RPH3AL: variants seen among roughly 807,000 people sequenced by gnomAD.
The protein encoded by RPH3AL is rabphilin 3A like (without C2 domains).
A neutral mutation model predicts 43.1 loss-of-function variants in RPH3AL; 38 were observed. The ratio of observed to expected loss-of-function variants is 0.88; its 90% confidence interval spans 0.68 to 1.15. The LOEUF is 1.15. Among genes scored for constraint, RPH3AL ranks in the 50% most tolerant of loss-of-function variants. RPH3AL has a pLI of 0.00. For missense variants in RPH3AL, 462 were observed against 423.2 expected (o/e 1.09, Z -0.81); for synonymous variants, 189 against 176.3 (o/e 1.07, Z -0.57).
intron 1 of RPH3AL, among the ~76,000 whole-genome samples, chr17:340,678 G>A (rs111210198): frequency 0.16 from 108 of 694 alleles, no homozygotes; most frequent in Admixed American, 0.19. Context: ...GCCTCCCCAC[G>A]TCCACACTCA....
rs140275598 is a variant in RPH3AL, at chr17:335,610, A to G, written c.-212-1676T>C. 3.3e-5 allele frequency among the ~76,000 whole-genome samples: 5 copies of G among 152,302 alleles called. No homozygotes were observed. The East Asian group carries it at 9.6e-4, about 29-fold the overall frequency. Reference sequence around the variant, plus strand: ...GCAATATATAACGGATAAAAATGGCATCTGGCTGATAAAATCCCAACCCTG... The same window carrying G: ...GCAATATATAACGGATAAAAATGGCGTCTGGCTGATAAAATCCCAACCCTG... On this transcript the variant is annotated intron_variant, in intron 1 of 9. Transcript: ENST00000331302.
chr17:316,564 C>T (rs1295672317), intron 5 of RPH3AL, among the ~76,000 whole-genome samples: 1 of 142,892 alleles, frequency 7.0e-6, no homozygotes. Context: ...CATGTAGTCC[C>T]TGTGCCCCAC....
Position 215,612 on chromosome 17 carries a change from G to A in RPH3AL, c.876+42C>T, listed in dbSNP as rs190069133. 1.5e-4 allele frequency: 184 copies of A among 1,255,480 alleles called. No individual in the cohort carries two copies. The highest frequency in any genetic ancestry group is 3.1e-4 in the Middle Eastern group (1 of 3,254). 77.8% of individuals were successfully genotyped at this position (1,255,480 alleles called of 1,614,324 possible). Reference sequence around the variant, plus strand: ...GGAGTGAGTGAGAGAGGACACGGCCGCGGGGGCAGGAGAGGGGAGAAGGCA... The same window carrying A: ...GGAGTGAGTGAGAGAGGACACGGCCACGGGGGCAGGAGAGGGGAGAAGGCA... On this transcript the variant is annotated intron_variant, in intron 9 of 9. Transcript: ENST00000331302. This position sits in a 1 kb window ranked among gnomAD's most constrained non-coding sequence, Gnocchi z 4.1.
intron 6 of RPH3AL, among the ~76,000 whole-genome samples, chr17:275,404 G>C (rs1055355198): frequency 1.3e-5 from 2 of 152,006 alleles, no homozygotes; most frequent in Non-Finnish European, 2.9e-5. Context: ...GAATAAAGAA[G>C]AAATGCACAG....
At chr17:252,036 A>G (rs1304602608) in intron 6 of RPH3AL, among the ~76,000 whole-genome samples, 2 of 151,370 alleles carry the variant, frequency 1.3e-5, no homozygotes, top group East Asian at 3.9e-4. Flanking sequence ...GCAGTGGAGC[A>G]ATCGGCTCAC....
intron 6 of RPH3AL, among the ~76,000 whole-genome samples, chr17:253,488 TGC>T (rs2041967065): frequency 6.6e-6 from 1 of 152,178 alleles, no homozygotes; most frequent in Non-Finnish European, 1.5e-5. Flanking sequence ...CCTCCGGGTA[TGC>T]GCAATCCTTT....
intron 7 of RPH3AL, among the ~76,000 whole-genome samples, chr17:243,038 A>AC (rs1384787950): frequency 9.1e-6 from 1 of 109,900 alleles, no homozygotes; most frequent in African/African-American, 3.7e-5. Context: ...TCTATTGAAT[A>AC]CCATCCTCTA....
At chr17:299,805 C>T (rs77347273) in intron 5 of RPH3AL, among the ~76,000 whole-genome samples, 17,969 of 152,308 alleles carry the variant, frequency 0.12, 1,338 homozygotes, top group Middle Eastern at 0.19. Flanking sequence ...TGGCAACGGC[C>T]GCTGAGTGGA....
chr17:327,346 C>G (rs568315677), intron 3 of RPH3AL, 121 bp downstream of exon 3: 2 of 859,522 alleles, frequency 2.3e-6, no homozygotes, highest in Non-Finnish European at 3.9e-6. Context: ...GGCATGCATC[C>G]GACAGGCACC....
chr17:263,239 C>A (rs1189635772), intron 6 of RPH3AL, among the ~76,000 whole-genome samples: 1 of 152,290 alleles, frequency 6.6e-6, no homozygotes, highest in African/African-American at 2.4e-5. Context: ...GGTACCAAAG[C>A]TGACGGAAGA....
chr17:351,000 C>A (rs573146795), intron 1 of RPH3AL, among the ~76,000 whole-genome samples: 1 of 152,178 alleles, frequency 6.6e-6, no homozygotes, highest in African/African-American at 2.4e-5. Context: ...CTTAGCATCT[C>A]CTCCCAGCCC....
At position 333,801 on chromosome 17, in the gene RPH3AL, G is replaced by A. The variant is rs1172229677; in HGVS notation, c.-79C>T. On this transcript the variant is annotated 5_prime_UTR_variant, in exon 2 of 10. Transcript: ENST00000331302. This position sits in a 1 kb window ranked among gnomAD's most constrained non-coding sequence, Gnocchi z 4.5. ...TCACAGCCACTCAAAGCTGTCAGCTGCAGGCCTCATGCTTGCTGTCTCCAA... is the reference window on the plus strand; with the variant it reads ...TCACAGCCACTCAAAGCTGTCAGCTACAGGCCTCATGCTTGCTGTCTCCAA... 2 of 164,626 alleles carry A rather than the reference G, an allele frequency of 1.2e-5. No individual in the cohort carries two copies. Among genetic ancestry groups the A allele is most frequent in the Non-Finnish European group, 2.7e-5 (2 of 73,978 alleles). 10.2% of individuals were successfully genotyped at this position (164,626 alleles called of 1,614,324 possible).
chr17:316,891 T>C (rs1303697142), intron 5 of RPH3AL, among the ~76,000 whole-genome samples: 5 of 149,070 alleles, frequency 3.4e-5, no homozygotes, highest in African/African-American at 5.0e-5. Flanking sequence ...CATTGACCTG[T>C]AGTCCCTGTG....
chr17:300,092 G>A (rs2043287675), intron 5 of RPH3AL, among the ~76,000 whole-genome samples: 1 of 32,378 alleles, frequency 3.1e-5, no homozygotes. Flanking sequence ...AGCAGGGGCT[G>A]GCCCAGCCTA....
chr17:333,502 G>T lies in RPH3AL; in HGVS notation c.-37+257C>A. 1 of 339,996 alleles carries T rather than the reference G, an allele frequency of 2.9e-6. No homozygotes were observed. The highest frequency in any genetic ancestry group is 5.8e-6 in the Non-Finnish European group (1 of 173,642). 21.1% of individuals were successfully genotyped at this position (339,996 alleles called of 1,614,324 possible). A position where few individuals can be genotyped will look rare whatever the true frequency, so the allele number is the denominator to read the frequency against. On this transcript the variant is annotated intron_variant, in intron 2 of 9. Transcript: ENST00000331302. The surrounding 1 kb of genome is among the most constrained non-coding windows in gnomAD (Gnocchi z 4.5). ...GTTCTTACTATATATGCTGCTTGCT[G>T]GTTTTTTAAACCACCTTGTGCTTTC...
chr17:265,225 T>C (rs992304424), intron 6 of RPH3AL, among the ~76,000 whole-genome samples: 2 of 152,164 alleles, frequency 1.3e-5, no homozygotes, highest in Non-Finnish European at 2.9e-5. Context: ...TAGCTGGGAC[T>C]GCAGGCGCAT....
At chr17:318,021 C>T (rs1399507344) in intron 5 of RPH3AL, among the ~76,000 whole-genome samples, 1 of 151,312 alleles carries the variant, frequency 6.6e-6, no homozygotes, top group Non-Finnish European at 1.5e-5. Context: ...TTTTTAGTTC[C>T]CTTGCCCAAT....
chr17:324,710 C>CTATCTATCTATCTATCTATCTAT (rs1204379795), intron 3 of RPH3AL, among the ~76,000 whole-genome samples: 1,572 of 151,088 alleles, frequency 0.01, 11 homozygotes, highest in Non-Finnish European at 0.013. Context: ...TAGCTATGTA[C>CTATCTATCTATCTATCTATCTAT]CTATCTATCT....
At position 283,399 on chromosome 17, in the gene RPH3AL, C is replaced by A. The variant is rs1370334227; in HGVS notation, c.352-1545G>T. Among the ~76,000 whole-genome samples the A allele has an allele frequency of 6.6e-6, 1 of 152,118 alleles. No homozygotes were observed. The highest frequency in any genetic ancestry group is 1.5e-5 in the Non-Finnish European group (1 of 68,006). On this transcript the variant is annotated intron_variant, in intron 5 of 9. Transcript: ENST00000331302. This position sits in a 1 kb window ranked among gnomAD's most constrained non-coding sequence, Gnocchi z 4.2. The stretch of plus-strand genomic sequence containing the variant: ...AGCTATGATACATTCCTGCGGGGGA[C>A]GGATTTGCTACCATCCAATGCTCAG...
Sources: allele counts gnomAD v4.1 joint callset (sites outside exome capture counted in the v4.1 genomes callset), GRCh38; gene constraint gnomAD v4.1.1; non-coding constraint Gnocchi (gnomAD v3.1); transcripts MANE v1.5; gene names NCBI Gene and HGNC (gene_info 2026-07-23, HGNC 2026-07-21).